Variants in GBX2 observed in about 807,000 individuals in gnomAD.
The protein encoded by GBX2 is homeobox protein GBX-2.
GBX2 carries 5 observed loss-of-function variants against 22.4 expected under a neutral mutation model. The ratio of observed to expected loss-of-function variants is 0.22; its 90% confidence interval spans 0.12 to 0.47. The LOEUF (loss-of-function observed/expected upper bound fraction) is 0.47. GBX2 is among the 20% of genes least tolerant of loss of function. The pLI, the probability that GBX2 is intolerant of heterozygous loss-of-function variation, is 0.99. For missense variants in GBX2, 470 were observed against 495.4 expected, an observed-to-expected ratio of 0.95 and a Z score of 0.49; for synonymous variants, 220 against 230.5, an observed-to-expected ratio of 0.95 and a Z score of 0.41.
Position 236,166,233 on chromosome 2 carries a change from G to C in GBX2, c.728C>G (p.Ser243Cys), listed in dbSNP as rs745919266. The stretch of plus-strand genomic sequence containing the variant: ...CCGCCGCCGCCGGTTCTTGCCCGTA[G>C]ACGTGGTGCTGCCCGCGGCGCCGCT... Reference protein sequence around the residue: ...PSSGAAGSTTSTGKNRRRRTA... With the variant: ...PSSGAAGSTTCTGKNRRRRTA... The change falls in exon 2 of 2, where the codon TCT becomes TGT. Residue 243 changes from serine (S) to cysteine (C), a missense_variant. Physicochemically the swap from Ser to Cys is moderately radical, Grantham distance 112 (BLOSUM62 -1). This residue lies in a region of GBX2 where 377 missense variants were observed against 358.6 expected (regional missense o/e 1.05). Transcript: ENST00000306318. This position sits in a 1 kb window ranked among gnomAD's most constrained non-coding sequence, Gnocchi z 6.6. The C allele has an allele frequency of 6.2e-7, 1 of 1,613,718 alleles. No homozygotes were observed. The highest frequency in any genetic ancestry group is 8.5e-7 in the Non-Finnish European group (1 of 1,179,980).
chr2:236,167,434 G>T lies in GBX2; in HGVS notation c.523+15C>A. 1 of 1,492,690 alleles carries T rather than the reference G, an allele frequency of 6.7e-7. No individual in the cohort carries two copies. The highest frequency in any genetic ancestry group is 8.8e-7 in the Non-Finnish European group (1 of 1,132,940). 92.5% of individuals were successfully genotyped at this position (1,492,690 alleles called of 1,614,324 possible). On this transcript the variant is annotated intron_variant, in intron 1 of 1. Transcript: ENST00000306318. ...TCCCGCCCCCTCGTCCCGGCTGCGC[G>T]CGCCGCCGACTCACCGAGCGAAGCC...
downstream of GBX2, among the ~76,000 whole-genome samples, chr2:236,164,671 G>C (rs1311060665): frequency 6.6e-6 from 1 of 152,170 alleles, no homozygotes. Flanking sequence ...GGGAGGTGCC[G>C]GGGCCGGGGG....
downstream of GBX2, among the ~76,000 whole-genome samples, chr2:236,162,239 C>T (rs558439266): frequency 1.3e-5 from 2 of 152,350 alleles, no homozygotes; most frequent in South Asian, 4.1e-4. Context: ...TCAGGATGTC[C>T]TCCGAGGCAA....
chr2:236,167,901 A>G lies in GBX2; in HGVS notation c.71T>C (p.Ile24Thr), dbSNP rs746575611. The part of the protein sequence containing the change: ...RPLGSSTAFS[I>T]DSLIGSPPQP... ...CGGCGGGCTGCCGATCAGCGAGTCT[A>G]TGCTGAAGGCGGTGCTACTCCCCAG... The change falls in exon 1 of 2, where the codon ATA becomes ACA. Residue 24 changes from isoleucine (I) to threonine (T), a missense_variant. Physicochemically the swap from Ile to Thr is moderately conservative, Grantham distance 89 (BLOSUM62 -1). Around this residue, in one of 4 missense-constraint regions of GBX2, gnomAD observed 377 missense variants for 358.6 expected, o/e 1.05. Coordinates refer to ENST00000306318, the MANE Select transcript of GBX2 (RefSeq NM_001485.4). 1 of 1,561,486 alleles carries G rather than the reference A, an allele frequency of 6.4e-7. No homozygotes were observed. Among genetic ancestry groups the G allele is most frequent in the South Asian group, 1.2e-5 (1 of 85,910 alleles).
chr2:236,166,720 G>C lies in GBX2; in HGVS notation c.524-283C>G, dbSNP rs1358318152. Among the ~76,000 whole-genome samples the C allele has an allele frequency of 2.6e-5, 4 of 151,748 alleles. No homozygotes were observed. The highest frequency in any genetic ancestry group is 4.4e-5 in the Non-Finnish European group (3 of 68,004). ...GCCTCCCCCGCACCCTCCCAGCCTC[G>C]GCAGCGTCAGGAGAAGTAGCAGGAG... On this transcript the variant is annotated intron_variant, in intron 1 of 1. Transcript: ENST00000306318. This position sits in a 1 kb window ranked among gnomAD's most constrained non-coding sequence, Gnocchi z 6.6.
rs2060250588 is a variant in GBX2, at chr2:236,167,756, T to C, written c.216A>G (p.Pro72=). 2 of 1,463,978 alleles carry C rather than the reference T, an allele frequency of 1.4e-6. No individual in the cohort carries two copies. Among genetic ancestry groups the C allele is most frequent in the Non-Finnish European group, 1.8e-6 (2 of 1,113,168 alleles). 90.7% of individuals were successfully genotyped at this position (1,463,978 alleles called of 1,614,324 possible). The change falls in exon 1 of 2, where the codon CCA becomes CCG. Residue 72 remains proline, a synonymous_variant. Transcript: ENST00000306318. The stretch of plus-strand genomic sequence containing the variant: ...GGTGAGGGTGTGCGGGCGGCAGCGC[T>C]GGCTGCAGCGCGGCCTGGGGCAGCG... ...PPALPQAALQ[P]ALPPAHPHHQ...
At chr2:236,164,089 G>T (rs1390721572), downstream of GBX2, among the ~76,000 whole-genome samples, 1 of 152,214 alleles carries the variant, frequency 6.6e-6, no homozygotes, top group Non-Finnish European at 1.5e-5. Flanking sequence ...TTCACCCTGC[G>T]CCTGAAGTTT....
Position 236,166,266 on chromosome 2 carries a change from G to T in GBX2, c.695C>A (p.Pro232Gln), listed in dbSNP as rs1294069868. 1 of 1,613,548 alleles carries T rather than the reference G, an allele frequency of 6.2e-7. No homozygotes were observed. Among genetic ancestry groups the T allele is most frequent in the Non-Finnish European group, 8.5e-7 (1 of 1,179,972 alleles). ...GCTGCCCGCGGCGCCGCTGCTCGGC[G>T]GGGTCTCCTCCAGCGCGTGGCCCGG... ...EDPGHALEET[P>Q]PSSGAAGSTT... Residue 232 changes from proline (P) to glutamine (Q), a missense_variant, in exon 2 of 2, where the codon CCG (proline) becomes CAG (glutamine). This residue lies in a region of GBX2 where 377 missense variants were observed against 358.6 expected (regional missense o/e 1.05). Coordinates refer to ENST00000306318, the MANE Select transcript of GBX2 (RefSeq NM_001485.4). The surrounding 1 kb of genome is among the most constrained non-coding windows in gnomAD (Gnocchi z 6.6).
rs2060248007 is a variant in GBX2, at chr2:236,167,506, C to A, written c.466G>T (p.Ala156Ser). Residue 156 changes from alanine (A) to serine (S), a missense_variant, in exon 1 of 2, where the codon GCC becomes TCC. Physicochemically the swap from Ala to Ser is moderately conservative, Grantham distance 99. Coordinates refer to ENST00000306318, the MANE Select transcript of GBX2 (RefSeq NM_001485.4). ...ADAEDGKGFL[A>S]KEGSLLAFSA... Reference sequence around the variant, plus strand: ...AAGGCGAGCAGCGAGCCCTCTTTGGCCAGGAAGCCTTTGCCGTCCTCCGCG... The same window carrying A: ...AAGGCGAGCAGCGAGCCCTCTTTGGACAGGAAGCCTTTGCCGTCCTCCGCG... The A allele has an allele frequency of 2.5e-6, 4 of 1,593,218 alleles. No homozygotes were observed. The highest frequency in any genetic ancestry group is 3.4e-6 in the Non-Finnish European group (4 of 1,174,064).
downstream of GBX2, among the ~76,000 whole-genome samples, chr2:236,162,224 TAGAGTC>T (rs1190039736): frequency 6.6e-6 from 1 of 152,196 alleles, no homozygotes; most frequent in Non-Finnish European, 1.5e-5. Flanking sequence ...CAGACAGCCA[TAGAGTC>T]AGGATGTCCT....
intron 1 of GBX2, chr2:236,167,055 G>A (rs1250651883): frequency 1.6e-6 from 2 of 1,214,882 alleles, no homozygotes; most frequent in African/African-American, 1.5e-5. Context: ...CAGCGAAGGG[G>A]TTTAAAAAGT....
At chr2:236,167,163 G>C (rs1366349846) in intron 1 of GBX2, 1 of 1,535,644 alleles carries the variant, frequency 6.5e-7, no homozygotes. Flanking sequence ...ACCGCGGAGC[G>C]GCAGAGGCGG....
At chr2:236,163,069 T>A (rs1417592758), downstream of GBX2, among the ~76,000 whole-genome samples, 1 of 152,158 alleles carries the variant, frequency 6.6e-6, no homozygotes, top group Admixed American at 6.5e-5. Context: ...TGCAAAAAAA[T>A]TCATTAGGGC....
downstream of GBX2, among the ~76,000 whole-genome samples, chr2:236,165,030 A>G (rs2060230337): frequency 6.6e-6 from 1 of 152,138 alleles, no homozygotes; most frequent in Admixed American, 6.5e-5. Flanking sequence ...GGTGAGAATT[A>G]GGTTTTCTTA....
At chr2:236,163,221 TG>T (rs2060220931), downstream of GBX2, among the ~76,000 whole-genome samples, 1 of 151,952 alleles carries the variant, frequency 6.6e-6, no homozygotes, top group African/African-American at 2.4e-5. Context: ...TCCCGGGCCT[TG>T]GCCTCCCTGC....
Position 236,167,520 on chromosome 2 carries a change from C to T in GBX2, c.452G>A (p.Gly151Asp), listed in dbSNP as rs561631097. 1.3e-4 allele frequency: 211 copies of T among 1,597,156 alleles called. 3 individuals carry two copies. In the South Asian group the frequency reaches 2.3e-3, roughly 17 times the overall value. ...AEALQADAED[G>D]KGFLAKEGSL... ...GCCCTCTTTGGCCAGGAAGCCTTTG[C>T]CGTCCTCCGCGTCAGCCTGCAGCGC... Residue 151 changes from glycine (G) to aspartate (D), a missense_variant, in exon 1 of 2, where the codon GGC becomes GAC. Physicochemically the swap from Gly to Asp is moderately conservative, Grantham distance 94. Around this residue, in one of 4 missense-constraint regions of GBX2, gnomAD observed 377 missense variants for 358.6 expected, o/e 1.05. Transcript: ENST00000306318.
rs2060250646 is a variant in GBX2 at position 236,167,759 on chromosome 2, CTGCAGCGCGGCCTGG to C, written c.198_212del (p.Gln67_Gln71del). The C allele has an allele frequency of 1.4e-6, 2 of 1,454,820 alleles. No homozygotes were observed. Among genetic ancestry groups the C allele is most frequent in the South Asian group, 3.0e-5 (2 of 66,030 alleles). The allele number at this position is 1,454,820 out of a possible 1,614,324, so 90.1% of individuals were successfully genotyped here. A position where few individuals can be genotyped will look rare whatever the true frequency, so the allele number is the denominator to read the frequency against. ...GAGGGTGTGCGGGCGGCAGCGCTGG[CTGCAGCGCGGCCTGG>C]GGCAGCGCGGGCGGCGGCGGCGGCG... On this transcript the variant is annotated inframe_deletion, in exon 1 of 2. Coordinates refer to ENST00000306318, the MANE Select transcript of GBX2 (RefSeq NM_001485.4).
At position 236,168,004 on chromosome 2, in the gene GBX2, A is replaced by C; in HGVS notation, c.-33T>G. 6.7e-7 allele frequency: 1 copy of C among 1,484,570 alleles called. No individual in the cohort carries two copies. The highest frequency in any genetic ancestry group is 8.9e-7 in the Non-Finnish European group (1 of 1,119,966). The allele number at this position is 1,484,570 out of a possible 1,614,324, so 92.0% of individuals were successfully genotyped here. A position where few individuals can be genotyped will look rare whatever the true frequency, so the allele number is the denominator to read the frequency against. On this transcript the variant is annotated 5_prime_UTR_variant, in exon 1 of 2. Transcript: ENST00000306318. ...CTCGGTAGAGGCCAGCGAGAGGCGA[A>C]AAGTCCCCGCGCCGCGCCGCCGCCG...
chr2:236,162,930 T>C (rs945139082), downstream of GBX2, among the ~76,000 whole-genome samples: 8 of 152,184 alleles, frequency 5.3e-5, no homozygotes, highest in East Asian at 3.8e-4. Context: ...GGGAGTTAAT[T>C]TGAAGCTCAG....
Sources: allele counts gnomAD v4.1 joint callset (sites outside exome capture counted in the v4.1 genomes callset), GRCh38; gene constraint gnomAD v4.1.1; regional missense constraint gnomAD v4.1.1; non-coding constraint Gnocchi (gnomAD v3.1); transcripts MANE v1.5; gene names NCBI Gene and HGNC (gene_info 2026-07-23, HGNC 2026-07-21).